The following ARK2N variants were observed in gnomAD, a reference collection of about 807,000 sequenced individuals.
ARK2N encodes protein ARK2N.
the ARK2N span, among the ~76,000 whole-genome samples, chr18:46,208,464 CTTTTTTTTTTTT>C: frequency 2.9e-5 from 2 of 68,388 alleles, no homozygotes; most frequent in African/African-American, 4.9e-5. Flanking sequence ...GTTCTTAAAT[CTTTTTTTTTTTT>C]TTTTTTTTTT....
the ARK2N span, among the ~76,000 whole-genome samples, chr18:46,252,009 G>A: frequency 7.4e-4 from 112 of 151,970 alleles, no homozygotes; most frequent in Non-Finnish European, 1.1e-3. Flanking sequence ...CCTGGCCAAC[G>A]TGACGAAACC....
chr18:46,206,328 C>CT, the ARK2N span, among the ~76,000 whole-genome samples: 2 of 151,964 alleles, frequency 1.3e-5, no homozygotes, highest in African/African-American at 4.8e-5. Flanking sequence ...TTAAGAGAGC[C>CT]TCCCACCTCT....
At chr18:46,178,124 C>T in the ARK2N span, among the ~76,000 whole-genome samples, 1 of 152,052 alleles carries the variant, frequency 6.6e-6, no homozygotes. Context: ...TCATGATTAT[C>T]AGTGCACTTG....
chr18:46,213,414 TA>T, the ARK2N span, among the ~76,000 whole-genome samples: 5 of 151,920 alleles, frequency 3.3e-5, no homozygotes, highest in Non-Finnish European at 4.4e-5. Context: ...TTGACTGGCT[TA>T]AAAAAAAGAA....
the ARK2N span, among the ~76,000 whole-genome samples, chr18:46,202,326 C>G: frequency 6.6e-6 from 1 of 152,148 alleles, no homozygotes. Flanking sequence ...TGCACACTAG[C>G]TGAAAAGTGT....
the ARK2N span, among the ~76,000 whole-genome samples, chr18:46,256,987 G>A: frequency 6.6e-6 from 1 of 152,122 alleles, no homozygotes; most frequent in South Asian, 2.1e-4. Flanking sequence ...TTCTTTTACG[G>A]GTCTAGGGTT....
the ARK2N span, among the ~76,000 whole-genome samples, chr18:46,187,532 G>A: frequency 2.0e-5 from 3 of 151,926 alleles, no homozygotes; most frequent in Admixed American, 2.0e-4. Flanking sequence ...AGTAGACACA[G>A]GGTTTCACCA....
At chr18:46,225,451 T>G in the ARK2N span, among the ~76,000 whole-genome samples, 14 of 152,230 alleles carry the variant, frequency 9.2e-5, 1 homozygote, top group South Asian at 2.9e-3. Flanking sequence ...TGTAAGTTTC[T>G]TTTGATGATG....
the ARK2N span, chr18:46,265,077 A>T: frequency 6.6e-6 from 1 of 152,588 alleles, no homozygotes; most frequent in Non-Finnish European, 1.5e-5. Context: ...GTATCCTTGG[A>T]CCTTCACATT....
chr18:46,188,489 G>A, the ARK2N span, among the ~76,000 whole-genome samples: 56 of 151,754 alleles, frequency 3.7e-4, no homozygotes, highest in Non-Finnish European at 6.9e-4. Context: ...GGCGTGAGCC[G>A]CGACATGTGG....
chr18:46,188,519 T>C, the ARK2N span, among the ~76,000 whole-genome samples: 2 of 152,038 alleles, frequency 1.3e-5, no homozygotes, highest in Non-Finnish European at 2.9e-5. Flanking sequence ...TTGTTTTTCT[T>C]ATTTTTAGTA....
chr18:46,214,407 T>G, the ARK2N span, among the ~76,000 whole-genome samples: 1 of 152,220 alleles, frequency 6.6e-6, no homozygotes, highest in Non-Finnish European at 1.5e-5. Context: ...GCATCCTCTT[T>G]AAAAACCACC....
At chr18:46,241,654 G>A in the ARK2N span, among the ~76,000 whole-genome samples, 1 of 151,972 alleles carries the variant, frequency 6.6e-6, no homozygotes, top group African/African-American at 2.4e-5. Context: ...GAACCTGGGA[G>A]GCAGAGGTTG....
chr18:46,259,702 C>A, the ARK2N span, among the ~76,000 whole-genome samples: 5 of 149,324 alleles, frequency 3.3e-5, no homozygotes, highest in Non-Finnish European at 7.4e-5. Flanking sequence ...ACCGCCAAGG[C>A]TCAAGCCATC....
the ARK2N span, among the ~76,000 whole-genome samples, chr18:46,249,424 C>T: frequency 8.6e-5 from 13 of 151,616 alleles, no homozygotes; most frequent in African/African-American, 2.2e-4. Context: ...AGTAGAGACG[C>T]GGTTTCACTG....
At chr18:46,237,234 T>G in the ARK2N span, among the ~76,000 whole-genome samples, 1 of 152,140 alleles carries the variant, frequency 6.6e-6, no homozygotes, top group Non-Finnish European at 1.5e-5. Flanking sequence ...CAAGAGATAT[T>G]TCTTTTAAAA....
At chr18:46,205,096 C>T in the ARK2N span, among the ~76,000 whole-genome samples, 6 of 151,900 alleles carry the variant, frequency 3.9e-5, no homozygotes, top group Middle Eastern at 3.2e-3. Flanking sequence ...TTGGTAGAGA[C>T]GGGTTTTTAC....
chr18:46,180,712 A>AAC, the ARK2N span, among the ~76,000 whole-genome samples: 3 of 152,016 alleles, frequency 2.0e-5, no homozygotes, highest in African/African-American at 7.2e-5. Flanking sequence ...TCAAAAAAAA[A>AAC]AACAACAATA....
the ARK2N span, among the ~76,000 whole-genome samples, chr18:46,257,709 G>A: frequency 2.0e-5 from 3 of 150,782 alleles, no homozygotes; most frequent in Non-Finnish European, 4.4e-5. Flanking sequence ...TCCTTCTACC[G>A]ACCTCATTGG....
Sources: allele counts gnomAD v4.1 joint callset (sites outside exome capture counted in the v4.1 genomes callset), GRCh38; gene constraint gnomAD v4.1.1; transcripts MANE v1.5; gene names NCBI Gene and HGNC (gene_info 2026-07-23, HGNC 2026-07-21).